The following PHYKPL variants were observed in gnomAD, a reference collection of about 807,000 sequenced individuals.
PHYKPL encodes 5-phosphonooxy-L-lysine phospho-lyase.
In PHYKPL, 42 loss-of-function variants were observed where a neutral mutation model predicts 51.3. The ratio of observed to expected loss-of-function variants is 0.82; its 90% CI spans 0.64 to 1.06. The LOEUF is 1.06. Ranked by LOEUF, PHYKPL falls within the 50% of genes least tolerant of loss-of-function variation. PHYKPL has a pLI of 0.00. For missense variants in PHYKPL, 655 were observed against 586.6 expected (o/e 1.12, Z -1.20); for synonymous variants, 264 against 236.0 (o/e 1.12, Z -1.09).
At chr5:178,207,853 C>G (rs896147551), downstream of PHYKPL, among the ~76,000 whole-genome samples, 2 of 152,002 alleles carry the variant, frequency 1.3e-5, no homozygotes, top group Non-Finnish European at 2.9e-5. Flanking sequence ...CAGGCATGTA[C>G]CACCATGCCT....
chr5:178,217,633 T>C (rs2913747), intron 8 of PHYKPL, among the ~76,000 whole-genome samples: 21,182 of 139,906 alleles, frequency 0.15, 1,525 homozygotes, highest in Middle Eastern at 0.27. Context: ...CTGAGGCGGG[T>C]GGATCATGAG....
intron 12 of PHYKPL, chr5:178,210,745 T>TAAAATTTCCCCCATGGAAATCA (rs1758030950): frequency 1.3e-6 from 1 of 755,992 alleles, no homozygotes; most frequent in African/African-American, 1.7e-5. Context: ...GCATCTTATT[T>TAAAATTTCCCCCATGGAAATCA]AAAATTTCCC....
intron 3 of PHYKPL, chr5:178,226,481 T>C (rs973251121): frequency 6.6e-6 from 1 of 152,208 alleles, no homozygotes; most frequent in Non-Finnish European, 1.5e-5. Context: ...TACTGGTTTA[T>C]TATAAAGGAT....
intron 4 of PHYKPL, 62 bp from the exon 5 acceptor site, chr5:178,224,791 G>T: frequency 1.5e-6 from 2 of 1,328,656 alleles, no homozygotes; most frequent in Admixed American, 1.9e-5. Flanking sequence ...GGCCCAGTCT[G>T]ACCATCGTCT....
chr5:178,209,529 T>G (rs1447214119), intron 12 of PHYKPL: 3 of 1,231,138 alleles, frequency 2.4e-6, no homozygotes, highest in Non-Finnish European at 3.6e-6. Context: ...CTCCCTCTGG[T>G]GCTGTGCAGC....
At chr5:178,226,538 G>T (rs1762325758) in intron 3 of PHYKPL, 1 of 152,196 alleles carries the variant, frequency 6.6e-6, no homozygotes. Context: ...AGGTATGAAG[G>T]AAGGGCATGG....
intron 12 of PHYKPL, 133 bp from the exon 13 acceptor site, chr5:178,209,048 C>T: frequency 2.6e-6 from 1 of 383,474 alleles, no homozygotes; most frequent in Non-Finnish European, 4.9e-6. Flanking sequence ...CCCTGGGCTG[C>T]AGTTGGCCCA....
chr5:178,217,226 A>ATTT (rs58049202), intron 8 of PHYKPL, among the ~76,000 whole-genome samples: 3 of 143,652 alleles, frequency 2.1e-5, no homozygotes, highest in South Asian at 2.2e-4. Context: ...GGCTCAACAG[A>ATTT]TTTTTTTTTT....
Position 178,224,665 on chromosome 5 carries a change from C to T in PHYKPL, c.478G>A (p.Gly160Ser). The T allele has an allele frequency of 5.6e-6, 9 of 1,614,240 alleles. No individual in the cohort carries two copies. The highest frequency in any genetic ancestry group is 7.6e-6 in the Non-Finnish European group (9 of 1,180,046). ...ACCACGTGGACCCACTCCTTCTGGCCATCCAGGTTGCGGAACTTGTAGGGA... is the reference window on the plus strand; with the variant it reads ...ACCACGTGGACCCACTCCTTCTGGCTATCCAGGTTGCGGAACTTGTAGGGA... ...ISPYKFRNLD[G>S]QKEWVHVAPL... Residue 160 changes from glycine to serine, a missense_variant, in exon 5 of 13, where the codon GGC (glycine) becomes AGC (serine). By Grantham distance (56) the Gly-to-Ser change is moderately conservative. Coordinates refer to ENST00000308158, the MANE Select transcript of PHYKPL (RefSeq NM_153373.4).
chr5:178,220,734 A>T (rs369526530), intron 8 of PHYKPL, among the ~76,000 whole-genome samples: 2 of 9,364 alleles, frequency 2.1e-4, no homozygotes, highest in Non-Finnish European at 4.4e-4. Context: ...AAAAAAAAAA[A>T]AAACAAAAAA....
At chr5:178,207,363 C>T, downstream of PHYKPL, 2 of 994,810 alleles carry the variant, frequency 2.0e-6, no homozygotes, top group Non-Finnish European at 2.9e-6. Flanking sequence ...CGTATGCTGC[C>T]CTGATTGGGG....
At position 178,213,206 on chromosome 5, in the gene PHYKPL, A is replaced by G. The variant is rs867505653; in HGVS notation, c.1173-103T>C. 1.7e-4 allele frequency: 252 copies of G among 1,474,454 alleles called. 1 individual carries two copies. Among genetic ancestry groups the G allele is most frequent in the Middle Eastern group, 1.4e-3 (6 of 4,192 alleles). The allele number at this position is 1,474,454 out of a possible 1,614,324, so 91.3% of individuals were successfully genotyped here. A position where few individuals can be genotyped will look rare whatever the true frequency, so the allele number is the denominator to read the frequency against. On this transcript the variant is annotated intron_variant, in intron 10 of 12. Transcript: ENST00000308158. ...AGCCACACTGTCCTCAGAGCCTTCCATGGGCCAGTTCCTGCCAGGTCATTT... is the reference window on the plus strand; with the variant it reads ...AGCCACACTGTCCTCAGAGCCTTCCGTGGGCCAGTTCCTGCCAGGTCATTT...
In PHYKPL at chr5:178,231,955, C is replaced by T. The variant is rs1050224297; in HGVS notation, c.60-432G>A. The T allele has an allele frequency of 1.8e-5, 22 of 1,242,720 alleles. No homozygotes were observed. In the African/African-American group the frequency reaches 2.9e-4, roughly 17 times the overall value. The allele number at this position is 1,242,720 out of a possible 1,614,324, so 77.0% of individuals were successfully genotyped here. A position where few individuals can be genotyped will look rare whatever the true frequency, so the allele number is the denominator to read the frequency against. ...TGCCAGCCACGTGGCCCTGCTGCCC[C>T]TCGCTGGGTGCCAGCCCTAAGCTCC... is the stretch of plus-strand genomic sequence containing the variant. On this transcript the variant is annotated intron_variant, in intron 1 of 12. Transcript: ENST00000308158.
chr5:178,225,036 C>G (rs1309562204), intron 4 of PHYKPL: 3 of 557,832 alleles, frequency 5.4e-6, no homozygotes, highest in Non-Finnish European at 9.6e-6. Flanking sequence ...ATATTGTCAG[C>G]CTCGGCTTTG....
chr5:178,229,721 C>A, intron 3 of PHYKPL: 1 of 509,022 alleles, frequency 2.0e-6, no homozygotes. Flanking sequence ...AGCAATGATC[C>A]TAGAAAGGAG....
At chr5:178,232,444 T>C (rs1763703021) in intron 1 of PHYKPL, 48 bp downstream of exon 1, 1 of 1,379,230 alleles carries the variant, frequency 7.3e-7, no homozygotes, top group Non-Finnish European at 9.3e-7. Flanking sequence ...TGCGCGTGCC[T>C]CTCCGCGCAG....
chr5:178,225,583 C>A, intron 3 of PHYKPL, 154 bp from the exon 4 acceptor site: 2 of 667,546 alleles, frequency 3.0e-6, no homozygotes, highest in South Asian at 3.5e-5. Flanking sequence ...TATCAAATGC[C>A]TCCTATGTAC....
chr5:178,231,272 T>G (rs529751638), intron 2 of PHYKPL, 133 bp downstream of exon 2: 3 of 1,434,604 alleles, frequency 2.1e-6, no homozygotes, highest in Admixed American at 1.8e-5. Context: ...AGGCTGAGCC[T>G]CCTCTGCATA....
At chr5:178,225,569 T>C (rs1482949004) in intron 3 of PHYKPL, 140 bp from the exon 4 acceptor site, 1 of 771,848 alleles carries the variant, frequency 1.3e-6, no homozygotes, top group African/African-American at 1.7e-5. Context: ...GTTTGTTTGG[T>C]ATATATCAAA....
Sources: gnomAD v4.1 joint callset for allele counts (sites outside exome capture counted in the v4.1 genomes callset) on GRCh38, gnomAD v4.1.1 for gene constraint, MANE v1.5 for transcripts, NCBI Gene and HGNC (gene_info 2026-07-23, HGNC 2026-07-21) for gene names.